Variants in CT55 observed in about 807,000 individuals in gnomAD.
The protein encoded by CT55 is BRCA2-interacting protein.
Under a neutral mutation model 12.6 loss-of-function variants are expected in CT55, and 1 was observed. The ratio of observed to expected loss-of-function variants is 0.08; its 90% confidence interval spans 0.03 to 0.38. The LOEUF (loss-of-function observed/expected upper bound fraction) is 0.38. CT55 is among the 10% of genes least tolerant of loss of function. The probability of loss-of-function intolerance (pLI) is 0.99; values close to 1 mark genes in which losing one functional copy is unlikely to be tolerated. For missense variants in CT55, 109 were observed against 135.4 expected, an observed-to-expected ratio of 0.80 and a Z score of 0.97; for synonymous variants, 43 against 49.7, an observed-to-expected ratio of 0.87 and a Z score of 0.57.
intron 3 of CT55, among the ~76,000 whole-genome samples, chrX:135,158,777 T>A (rs1556404620): frequency 8.9e-6 from 1 of 112,510 alleles, no homozygotes; most frequent in Non-Finnish European, 1.9e-5. Flanking sequence ...GCACAGTAAG[T>A]AGCCTTCATG....
At chrX:135,160,288 A>T in intron 3 of CT55, 123 bp downstream of exon 3, 1 of 683,932 alleles carries the variant, frequency 1.5e-6, no homozygotes. Context: ...CGATTGGAAC[A>T]GTCTACCTCT....
intron 1 of CT55, 68 bp downstream of exon 1, chrX:135,171,010 C>T (rs1230726306): frequency 2.5e-6 from 3 of 1,180,791 alleles, no homozygotes; most frequent in South Asian, 1.9e-5. Context: ...AGCCTCATTC[C>T]GGGGGTGAGG....
chrX:135,165,908 G>A (rs782085449), intron 2 of CT55, among the ~76,000 whole-genome samples: 21 of 107,859 alleles, frequency 1.9e-4, no homozygotes, highest in Non-Finnish European at 3.7e-4. Context: ...TAATGAGTAA[G>A]GAAAGTGATT....
At chrX:135,162,785 C>G (rs1182472286) in intron 2 of CT55, among the ~76,000 whole-genome samples, 1 of 111,539 alleles carries the variant, frequency 9.0e-6, no homozygotes, top group African/African-American at 3.3e-5. Flanking sequence ...TGGCACCAGA[C>G]AGGAAGCCAC....
chrX:135,161,458 C>T (rs2083562335), intron 2 of CT55, among the ~76,000 whole-genome samples: 1 of 111,983 alleles, frequency 8.9e-6, no homozygotes, highest in South Asian at 3.7e-4. Flanking sequence ...GTGTAAATGC[C>T]TGTTTTAAAA....
chrX:135,162,848 C>T (rs1318799620), intron 2 of CT55, among the ~76,000 whole-genome samples: 2 of 111,507 alleles, frequency 1.8e-5, no homozygotes, highest in Non-Finnish European at 3.8e-5. Flanking sequence ...CTAGTGATTC[C>T]AGTGGCCTTA....
chrX:135,170,544 A>G (rs1556406635), intron 1 of CT55, among the ~76,000 whole-genome samples: 3 of 111,361 alleles, frequency 2.7e-5, no homozygotes, highest in African/African-American at 9.8e-5. Context: ...CCAAAACGGC[A>G]TCTGAATGGT....
intron 2 of CT55, among the ~76,000 whole-genome samples, chrX:135,163,614 G>C (rs1185728230): frequency 9.0e-6 from 1 of 110,957 alleles, no homozygotes; most frequent in Non-Finnish European, 1.9e-5. Context: ...CAAGAGGGAG[G>C]AGTGAAAAAG....
At chrX:135,161,503 C>T (rs1411292753) in intron 2 of CT55, among the ~76,000 whole-genome samples, 1 of 112,248 alleles carries the variant, frequency 8.9e-6, no homozygotes, top group Non-Finnish European at 1.9e-5. Context: ...TAAAGTATCA[C>T]ATTAAATGAA....
Position 135,171,361 on chromosome X carries a change from C to T in CT55, c.-190G>A. The stretch of plus-strand genomic sequence containing the variant: ...GGAGAGTCAGGGACACCGCAGCCTC[C>T]AAAGGAGCTCCCAGCTTCTCCGCTG... On this transcript the variant is annotated 5_prime_UTR_variant, in exon 1 of 6. Transcript: ENST00000276241. 2 of 812,032 alleles carry T rather than the reference C, an allele frequency of 2.5e-6. No individual in the cohort carries two copies. The highest frequency in any genetic ancestry group is 3.3e-6 in the Non-Finnish European group (2 of 604,695). The allele number at this position is 812,032 out of a possible 1,213,427, so 66.9% of individuals were successfully genotyped here.
At position 135,165,247 on chromosome X, in the gene CT55, G is replaced by A. The variant is rs782735423; in HGVS notation, c.279+4347C>T. Reference sequence around the variant, plus strand: ...ATCAAATCAGTTCTCTAACCACAACGGTAAAGTATTAGAAATCAATAAAAG... The same window carrying A: ...ATCAAATCAGTTCTCTAACCACAACAGTAAAGTATTAGAAATCAATAAAAG... On this transcript the variant is annotated intron_variant, in intron 2 of 5. Transcript: ENST00000276241. 6.3e-5 allele frequency among the ~76,000 whole-genome samples: 7 copies of A among 111,932 alleles called. No individual in the cohort carries two copies. In the East Asian group the frequency reaches 1.4e-3, roughly 22 times the overall value.
chrX:135,170,939 C>T, intron 1 of CT55, 139 bp downstream of exon 1: 1 of 1,034,509 alleles, frequency 9.7e-7, no homozygotes, highest in Non-Finnish European at 1.3e-6. Flanking sequence ...CCTCGGGTTG[C>T]CTCCCCATGC....
chrX:135,171,224 A>G lies in CT55; in HGVS notation c.-53T>C. ...CACCGCTTGTGGCAGATGAAGCACG[A>G]GGCCTCCTCAGTAAGGGAAGCCCTC... On this transcript the variant is annotated 5_prime_UTR_variant, in exon 1 of 6. Coordinates refer to ENST00000276241, the MANE Select transcript of CT55 (RefSeq NM_001031705.3). The G allele has an allele frequency of 8.3e-7, 1 of 1,203,442 alleles. No individual in the cohort carries two copies. The highest frequency in any genetic ancestry group is 1.1e-6 in the Non-Finnish European group (1 of 890,655).
chrX:135,161,141 G>A, intron 2 of CT55, among the ~76,000 whole-genome samples: 1 of 110,236 alleles, frequency 9.1e-6, no homozygotes. Flanking sequence ...TAAAGTTGGA[G>A]CAATAACCTC....
Position 135,171,192 on chromosome X carries a change from G to T in CT55, c.-21C>A, listed in dbSNP as rs1556406777. Reference sequence around the variant, plus strand: ...AGCATCGTCCCAGTTGTCACCACCGGCCTGGGCACCGCTTGTGGCAGATGA... The same window carrying T: ...AGCATCGTCCCAGTTGTCACCACCGTCCTGGGCACCGCTTGTGGCAGATGA... On this transcript the variant is annotated 5_prime_UTR_variant, in exon 1 of 6. Coordinates refer to ENST00000276241, the MANE Select transcript of CT55 (RefSeq NM_001031705.3). The T allele has an allele frequency of 2.5e-6, 3 of 1,210,492 alleles. No individual in the cohort carries two copies. Among genetic ancestry groups the T allele is most frequent in the Non-Finnish European group, 3.4e-6 (3 of 894,762 alleles).
intron 1 of CT55, among the ~76,000 whole-genome samples, chrX:135,170,207 A>G (rs1466084097): frequency 5.4e-5 from 6 of 110,733 alleles, no homozygotes; most frequent in Non-Finnish European, 1.1e-4. Context: ...GGGTTTTGCC[A>G]TGTTGCCCAG....
chrX:135,168,054 A>G (rs1341623452), intron 2 of CT55, among the ~76,000 whole-genome samples: 5 of 112,034 alleles, frequency 4.5e-5, no homozygotes, highest in African/African-American at 1.6e-4. Flanking sequence ...TATTTTAACA[A>G]TGGAACTATC....
intron 3 of CT55, among the ~76,000 whole-genome samples, chrX:135,158,770 C>T (rs2083548792): frequency 8.9e-6 from 1 of 112,363 alleles, no homozygotes; most frequent in African/African-American, 3.2e-5. Flanking sequence ...ATGAGAAGCA[C>T]AGTAAGTAGC....
intron 2 of CT55, among the ~76,000 whole-genome samples, chrX:135,160,832 G>A (rs1157981103): frequency 9.0e-6 from 1 of 111,529 alleles, no homozygotes; most frequent in African/African-American, 3.3e-5. Context: ...ACCGTCCTTC[G>A]CCTGCAGAAA....
Sources: allele counts gnomAD v4.1 joint callset (sites outside exome capture counted in the v4.1 genomes callset), GRCh38; gene constraint gnomAD v4.1.1; transcripts MANE v1.5; gene names NCBI Gene and HGNC (gene_info 2026-07-23, HGNC 2026-07-21).